NT5C3A: variants seen among roughly 807,000 people sequenced by gnomAD.
The protein encoded by NT5C3A is cytosolic 5'-nucleotidase 3A.
NT5C3A carries 23 observed loss-of-function variants against 40.0 expected under a neutral mutation model. The ratio of observed to expected loss-of-function variants is 0.58; its 90% CI spans 0.41 to 0.81. NT5C3A has a LOEUF of 0.81. Ranked by LOEUF, NT5C3A falls within the 40% of genes least tolerant of loss-of-function variation. The probability of loss-of-function intolerance (pLI) is 0.00; values close to 1 mark genes in which losing one functional copy is unlikely to be tolerated. For missense variants in NT5C3A, 328 were observed against 403.0 expected, an observed-to-expected ratio of 0.81 and a Z score of 1.59; for synonymous variants, 130 against 141.4, an observed-to-expected ratio of 0.92 and a Z score of 0.57.
chr7:33,061,567 G>T (rs1378620955), intron 1 of NT5C3A, among the ~76,000 whole-genome samples: 1 of 152,096 alleles, frequency 6.6e-6, no homozygotes, highest in African/African-American at 2.4e-5. Context: ...TATTCAACCT[G>T]GGGTCAGTAC....
chr7:33,015,556 T>TC, intron 8 of NT5C3A, 114 bp downstream of exon 8: 3 of 692,094 alleles, frequency 4.3e-6, no homozygotes. Flanking sequence ...GAGGCTTGTC[T>TC]CAAAAAAAAA....
Position 33,015,813 on chromosome 7 carries a change from C to T in NT5C3A, c.751G>A (p.Ala251Thr). Residue 251 changes from alanine to threonine, a missense_variant, in exon 8 of 9, where the codon GCC (alanine) becomes ACC (threonine). Physicochemically the swap from Ala to Thr is moderately conservative, Grantham distance 58. This residue lies in a region of NT5C3A where 280 missense variants were observed against 317.2 expected (regional missense o/e 0.88). Transcript: ENST00000610140. The stretch of plus-strand genomic sequence containing the variant: ...TTGAAATATTCTGTATTCCTCAAGG[C>T]ACCATCATGTTTGTTAAATACATGA... ...LIHVFNKHDG[A>T]LRNTEYFNQL... 6.2e-7 allele frequency: 1 copy of T among 1,610,876 alleles called. No homozygotes were observed. The highest frequency in any genetic ancestry group is 1.1e-5 in the South Asian group (1 of 91,026).
At chr7:33,023,666 T>G (rs17170172) in intron 3 of NT5C3A, 7,200 of 219,052 alleles carry the variant, frequency 0.033, 224 homozygotes, top group South Asian at 0.12. Flanking sequence ...CACAGCCAAG[T>G]TGGAAAACAA....
chr7:33,055,469 C>T (rs928329393), intron 1 of NT5C3A, among the ~76,000 whole-genome samples: 1 of 152,126 alleles, frequency 6.6e-6, no homozygotes, highest in African/African-American at 2.4e-5. Flanking sequence ...AATCAGAAAA[C>T]AATTCTTCAA....
chr7:33,037,393 T>G (rs1054977337), intron 1 of NT5C3A, among the ~76,000 whole-genome samples: 2 of 152,240 alleles, frequency 1.3e-5, no homozygotes, highest in Non-Finnish European at 2.9e-5. Context: ...TACTTTTACT[T>G]TATTTCAGAT....
rs1226260693 is a variant in NT5C3A, at chr7:33,026,353, G to GAAA, written c.237+461_237+463dup. ...AACAGAGCGAGACTCCATCTCAAAA[G>GAAA]AAAAAAAAAAAAAAAAAAAAGAAGC... On this transcript the variant is annotated intron_variant, in intron 2 of 8. Transcript: ENST00000610140. Among the ~76,000 whole-genome samples the GAAA allele has an allele frequency of 2.2e-3, 209 of 94,084 alleles. 2 individuals are homozygous for GAAA. The highest frequency in any genetic ancestry group is 3.1e-3 in the South Asian group (7 of 2,294). 61.7% of individuals were successfully genotyped at this position (94,084 alleles called of 152,430 possible). A position where few individuals can be genotyped will look rare whatever the true frequency, so the allele number is the denominator to read the frequency against.
At chr7:33,016,361 G>A (rs1785326282) in intron 7 of NT5C3A, among the ~76,000 whole-genome samples, 2 of 140,768 alleles carry the variant, frequency 1.4e-5, no homozygotes. Flanking sequence ...GTGACAGAGT[G>A]AGACTCTGTC....
Position 33,024,052 on chromosome 7 carries a change from G to T in NT5C3A, c.294C>A (p.Cys98Ter). ...LSRFSYKGKR[C>*]PTCHNIIDNC... ...TATCACACTTACTATGACATGTTGG[G>T]CATCTTTTCCCTTTATATGAAAATC... The change falls in exon 3 of 9, where the codon TGC becomes TGA. Residue 98 changes from cysteine (C) to a stop codon, truncating the protein, a stop_gained. Transcript: ENST00000610140. LOFTEE classifies it high-confidence loss of function. 6.4e-7 allele frequency: 1 copy of T among 1,557,618 alleles called. No individual in the cohort carries two copies. Among genetic ancestry groups the T allele is most frequent in the Non-Finnish European group, 8.9e-7 (1 of 1,129,304 alleles).
intron 1 of NT5C3A, chr7:33,041,127 C>T (rs1013872069): frequency 8.1e-6 from 8 of 985,056 alleles, no homozygotes; most frequent in Middle Eastern, 1.0e-3. Context: ...GAAGGTAAAT[C>T]TGTACTATTA....
At chr7:33,022,714 T>C (rs930849711) in intron 3 of NT5C3A, among the ~76,000 whole-genome samples, 1 of 152,228 alleles carries the variant, frequency 6.6e-6, no homozygotes, top group Non-Finnish European at 1.5e-5. Context: ...TTAAAATTTC[T>C]GGTATGTGAG....
Position 33,024,040 on chromosome 7 carries a change from A to G in NT5C3A, c.306T>C (p.His102=). ...SYKGKRCPTC[H]NIIDNCKLVT... ...TTTGTTTACAAATATCACACTTACT[A>G]TGACATGTTGGGCATCTTTTCCCTT... Residue 102 remains histidine (H), a splice_region_variant and synonymous_variant, in exon 3 of 9, where the codon CAT becomes CAC. Transcript: ENST00000610140. The G allele has an allele frequency of 6.6e-7, 1 of 1,519,320 alleles. No homozygotes were observed. Among genetic ancestry groups the G allele is most frequent in the Non-Finnish European group, 9.1e-7 (1 of 1,094,488 alleles). The allele number at this position is 1,519,320 out of a possible 1,614,324, so 94.1% of individuals were successfully genotyped here. A position where few individuals can be genotyped will look rare whatever the true frequency, so the allele number is the denominator to read the frequency against.
chr7:33,040,204 G>A (rs1244405314), intron 1 of NT5C3A, among the ~76,000 whole-genome samples: 4 of 151,876 alleles, frequency 2.6e-5, no homozygotes, highest in Admixed American at 2.6e-4. Context: ...TCTGCAGCAT[G>A]ATCTAACTTC....
intron 1 of NT5C3A, among the ~76,000 whole-genome samples, chr7:33,041,522 A>T (rs1019478334): frequency 6.6e-6 from 1 of 152,240 alleles, no homozygotes; most frequent in Non-Finnish European, 1.5e-5. Flanking sequence ...CTTAAAGTCC[A>T]TAAACAAAAA....
intron 6 of NT5C3A, among the ~76,000 whole-genome samples, chr7:33,017,997 T>C (rs1490135209): frequency 6.6e-6 from 1 of 152,146 alleles, no homozygotes. Flanking sequence ...CTGGGCAACA[T>C]AGCGAGACCC....
chr7:33,032,453 TG>T (rs1335978593), intron 1 of NT5C3A, among the ~76,000 whole-genome samples: 1 of 150,838 alleles, frequency 6.6e-6, no homozygotes, highest in Non-Finnish European at 1.5e-5. Flanking sequence ...TTTACTTTTA[TG>T]TTTTTTTATT....
intron 1 of NT5C3A, among the ~76,000 whole-genome samples, chr7:33,038,215 A>G (rs1164508497): frequency 1.3e-5 from 2 of 152,182 alleles, no homozygotes; most frequent in African/African-American, 4.8e-5. Context: ...AAAATACCGC[A>G]TAATCTGTGA....
chr7:33,035,944 T>A (rs1328703754), intron 1 of NT5C3A: 19 of 1,613,368 alleles, frequency 1.2e-5, no homozygotes, highest in Non-Finnish European at 1.6e-5. Context: ...CATTTTCACA[T>A]GTACGGCAGA....
At chr7:33,056,299 C>A (rs1406607149) in intron 1 of NT5C3A, among the ~76,000 whole-genome samples, 1 of 151,524 alleles carries the variant, frequency 6.6e-6, no homozygotes, top group African/African-American at 2.4e-5. Flanking sequence ...AGTCATAAAT[C>A]TAAGCACTGA....
chr7:33,030,971 C>T lies in NT5C3A; in HGVS notation c.139-4056G>A, dbSNP rs545372273. ...AAAATTAGCCAGGCGAGGTGGCGGG[C>T]GCCTGTAGGCCCAGCTACTCTGGAG... On this transcript the variant is annotated intron_variant, in intron 1 of 8. Coordinates refer to ENST00000610140, the MANE Select transcript of NT5C3A (RefSeq NM_001002010.5). Among the ~76,000 whole-genome samples, 8 of 151,928 alleles carry T rather than the reference C, an allele frequency of 5.3e-5. No homozygotes were observed. In the East Asian group the frequency reaches 7.8e-4, roughly 15 times the overall value.
Sources: gnomAD v4.1 joint callset for allele counts (sites outside exome capture counted in the v4.1 genomes callset) on GRCh38, gnomAD v4.1.1 for gene constraint, gnomAD v4.1.1 regional missense constraint, MANE v1.5 for transcripts, NCBI Gene and HGNC (gene_info 2026-07-23, HGNC 2026-07-21) for gene names.